PARD3: variants seen among roughly 807,000 people sequenced by gnomAD.
PARD3 encodes partitioning defective 3 homolog.
In PARD3, 75 loss-of-function variants were observed where a neutral mutation model predicts 155.4. The observed-to-expected ratio is 0.48, with a 90% CI of 0.40 to 0.58. The LOEUF is 0.58. PARD3 is among the 20% of genes least tolerant of loss of function. PARD3 has a pLI of 0.00. For missense variants in PARD3, 1,642 were observed against 1,721.7 expected (o/e 0.95, Z 0.82); for synonymous variants, 576 against 610.5 (o/e 0.94, Z 0.83).
intron 2 of PARD3, among the ~76,000 whole-genome samples, chr10:34,567,435 C>T (rs946589347): frequency 6.6e-6 from 1 of 152,038 alleles, no homozygotes; most frequent in Non-Finnish European, 1.5e-5. Flanking sequence ...ACTGTGATTA[C>T]CAATATTATA....
chr10:34,670,807 G>A (rs554259875), intron 2 of PARD3, among the ~76,000 whole-genome samples: 2 of 152,294 alleles, frequency 1.3e-5, no homozygotes, highest in South Asian at 4.1e-4. Context: ...TGTTGGTTTT[G>A]TTTATGCTTT....
chr10:34,417,377 A>G (rs1250630860), intron 5 of PARD3, among the ~76,000 whole-genome samples: 1 of 152,196 alleles, frequency 6.6e-6, no homozygotes, highest in Non-Finnish European at 1.5e-5. Context: ...TGAATTTCCT[A>G]TGATCAAAAT....
At chr10:34,561,517 T>A (rs2085467913) in intron 2 of PARD3, among the ~76,000 whole-genome samples, 1 of 151,922 alleles carries the variant, frequency 6.6e-6, no homozygotes, top group Admixed American at 6.6e-5. Context: ...TATTTTTTTT[T>A]AATTTATTTA....
At chr10:34,771,359 G>A (rs1182406609) in intron 1 of PARD3, among the ~76,000 whole-genome samples, 1 of 152,060 alleles carries the variant, frequency 6.6e-6, no homozygotes, top group African/African-American at 2.4e-5. Flanking sequence ...CAACAACTAT[G>A]CCCCCCACAC....
chr10:34,725,944 G>A (rs1196773822), intron 1 of PARD3, among the ~76,000 whole-genome samples: 1 of 152,192 alleles, frequency 6.6e-6, no homozygotes, highest in Non-Finnish European at 1.5e-5. Context: ...TCTCAGTCAT[G>A]TAACAGATAA....
At chr10:34,646,854 T>C (rs2092852945) in intron 2 of PARD3, among the ~76,000 whole-genome samples, 1 of 151,892 alleles carries the variant, frequency 6.6e-6, no homozygotes, top group African/African-American at 2.4e-5. Context: ...GATTTTTTAT[T>C]ATCATTATTT....
intron 15 of PARD3, among the ~76,000 whole-genome samples, chr10:34,347,281 T>C (rs1837529994): frequency 6.6e-6 from 1 of 152,368 alleles, no homozygotes; most frequent in Non-Finnish European, 1.5e-5. Context: ...CAACCACTCC[T>C]GTGGCAAAGC....
chr10:34,547,766 A>G (rs1589965644), intron 2 of PARD3, among the ~76,000 whole-genome samples: 1 of 152,370 alleles, frequency 6.6e-6, no homozygotes, highest in East Asian at 1.9e-4. Context: ...ACAGATGGAA[A>G]AAAGAAAAAA....
intron 1 of PARD3, among the ~76,000 whole-genome samples, chr10:34,771,332 T>C (rs1277551895): frequency 1.3e-5 from 2 of 152,100 alleles, no homozygotes; most frequent in African/African-American, 4.8e-5. Flanking sequence ...GCCTCCCCTC[T>C]TCATCTGAGG....
At chr10:34,632,532 G>C (rs1308633930) in intron 2 of PARD3, among the ~76,000 whole-genome samples, 3 of 152,192 alleles carry the variant, frequency 2.0e-5, no homozygotes, top group Admixed American at 2.0e-4. Context: ...TCAGAAGAAG[G>C]TATGAACAGT....
rs118172572 is a variant in PARD3 at position 34,509,867 on chromosome 10, G to A, written c.403+7112C>T. ...TACAACTGTGCATAAAAACTTCCAG[G>A]ATGACAAAGCACAGTTTAATACAGC... On this transcript the variant is annotated intron_variant, in intron 3 of 24. Coordinates refer to ENST00000374788, the MANE Select transcript of PARD3 (RefSeq NM_001184785.2). Among the ~76,000 whole-genome samples, 44 of 152,246 alleles carry A rather than the reference G, an allele frequency of 2.9e-4. No individual in the cohort carries two copies. In the East Asian group the frequency reaches 8.3e-3, roughly 29 times the overall value.
intron 22 of PARD3, among the ~76,000 whole-genome samples, chr10:34,162,526 T>C (rs941566604): frequency 1.8e-4 from 27 of 152,218 alleles, no homozygotes; most frequent in African/African-American, 6.5e-4. Flanking sequence ...ATATTCGTGT[T>C]ATTATATGCA....
intron 3 of PARD3, among the ~76,000 whole-genome samples, chr10:34,511,105 A>C (rs2081372227): frequency 6.6e-6 from 1 of 152,214 alleles, no homozygotes; most frequent in Admixed American, 6.5e-5. Flanking sequence ...ATTTTATTGA[A>C]GAACGTGGGC....
chr10:34,243,175 C>T (rs1191080427), intron 22 of PARD3, among the ~76,000 whole-genome samples: 6 of 152,140 alleles, frequency 3.9e-5, no homozygotes, highest in Non-Finnish European at 7.4e-5. Context: ...ACAGATCACA[C>T]ACATTATGAA....
chr10:34,543,416 A>G (rs1337297984), intron 2 of PARD3, among the ~76,000 whole-genome samples: 2 of 152,232 alleles, frequency 1.3e-5, no homozygotes, highest in African/African-American at 2.4e-5. Context: ...AAAAGACCAA[A>G]CCATGAAAAG....
At chr10:34,756,748 T>C (rs1307320872) in intron 1 of PARD3, among the ~76,000 whole-genome samples, 1 of 152,146 alleles carries the variant, frequency 6.6e-6, no homozygotes, top group East Asian at 1.9e-4. Flanking sequence ...CCACTACACA[T>C]AATCAAAGCC....
rs373222569 is a variant in PARD3, at chr10:34,364,042, C to T, written c.1708-3783G>A. On this transcript the variant is annotated intron_variant, in intron 12 of 24. Coordinates refer to ENST00000374788, the MANE Select transcript of PARD3 (RefSeq NM_001184785.2). ...TCACAAGTGGGCACCATCATGGCCCCCTTTTCCTTCTTCCCGAAATCACAG... is the reference window on the plus strand; with the variant it reads ...TCACAAGTGGGCACCATCATGGCCCTCTTTTCCTTCTTCCCGAAATCACAG... Among the ~76,000 whole-genome samples, 10 of 152,298 alleles carry T rather than the reference C, an allele frequency of 6.6e-5. No individual in the cohort carries two copies. In the East Asian group the frequency reaches 1.2e-3, roughly 18 times the overall value.
intron 2 of PARD3, among the ~76,000 whole-genome samples, chr10:34,534,349 G>C (rs746141504): frequency 1.3e-5 from 2 of 152,052 alleles, no homozygotes; most frequent in Non-Finnish European, 2.9e-5. Context: ...TCAATGGAAA[G>C]AGGTGAGTTC....
chr10:34,273,967 A>C (rs1955756067), intron 21 of PARD3, among the ~76,000 whole-genome samples: 1 of 152,154 alleles, frequency 6.6e-6, no homozygotes, highest in Non-Finnish European at 1.5e-5. Context: ...ATTTGTCATC[A>C]AGCAGGACTT....
Sources: gnomAD v4.1 joint callset for allele counts (sites outside exome capture counted in the v4.1 genomes callset) on GRCh38, gnomAD v4.1.1 for gene constraint, MANE v1.5 for transcripts, NCBI Gene and HGNC (gene_info 2026-07-23, HGNC 2026-07-21) for gene names.